The following C7 variants were observed in gnomAD, a reference collection of about 807,000 sequenced individuals.
C7 encodes the protein complement C7.
A neutral mutation model predicts 104.8 loss-of-function variants in C7; 83 were observed. That is an observed-to-expected ratio of 0.79 (90% CI 0.66 to 0.95). The LOEUF (loss-of-function observed/expected upper bound fraction) is 0.95. C7 is among the 40% of genes least tolerant of loss of function. C7 has a pLI of 0.00. For missense variants in C7, 1,070 were observed against 1,011.2 expected (o/e 1.06, Z -0.79); for synonymous variants, 415 against 360.6 (o/e 1.15, Z -1.71).
intron 1 of C7, among the ~76,000 whole-genome samples, chr5:40,923,931 A>T (rs116133447): frequency 0.23 from 34,399 of 151,860 alleles, 4,077 homozygotes; most frequent in East Asian, 0.31. Flanking sequence ...TGAGATTTGA[A>T]AGGGACATCT....
intron 1 of C7, among the ~76,000 whole-genome samples, chr5:40,913,193 CA>C (rs1739247103): frequency 6.6e-6 from 1 of 152,074 alleles, no homozygotes; most frequent in South Asian, 2.1e-4. Flanking sequence ...TTTCTTTATC[CA>C]ATCATCTGTT....
At chr5:40,969,102 TATTTATTATAATG>T (rs1022857636) in intron 14 of C7, among the ~76,000 whole-genome samples, 17 of 152,088 alleles carry the variant, frequency 1.1e-4, no homozygotes, top group Admixed American at 3.9e-4. Flanking sequence ...TAATGTGGTA[TATTTATTATAATG>T]AATGAGCCTA....
intron 6 of C7, among the ~76,000 whole-genome samples, chr5:40,940,347 T>C (rs1739909294): frequency 6.6e-6 from 1 of 152,170 alleles, no homozygotes; most frequent in Non-Finnish European, 1.5e-5. Context: ...GGAAGGCATT[T>C]ATGGCTTGGG....
chr5:40,944,571 G>C (rs1402798303), intron 6 of C7, among the ~76,000 whole-genome samples: 1 of 152,144 alleles, frequency 6.6e-6, no homozygotes, highest in African/African-American at 2.4e-5. Context: ...CAAAATAAAG[G>C]ATAAATGAAT....
At chr5:40,960,893 T>A (rs1740406255) in intron 12 of C7, among the ~76,000 whole-genome samples, 1 of 152,192 alleles carries the variant, frequency 6.6e-6, no homozygotes, top group Non-Finnish European at 1.5e-5. Context: ...ATTATCATTA[T>A]CTTTATTACA....
intron 2 of C7, among the ~76,000 whole-genome samples, chr5:40,929,500 C>T (rs1739630881): frequency 6.6e-6 from 1 of 152,174 alleles, no homozygotes; most frequent in South Asian, 2.1e-4. Flanking sequence ...CCAAGGCACA[C>T]ACTATAGAAT....
At chr5:40,974,887 G>T (rs537597741) in intron 15 of C7, among the ~76,000 whole-genome samples, 27 of 152,210 alleles carry the variant, frequency 1.8e-4, no homozygotes, top group African/African-American at 6.3e-4. Context: ...GGAATTTTAG[G>T]TCTAATAATT....
rs1341787358 is a variant in C7, at chr5:40,943,085, G to T, written c.568-2113G>T. On this transcript the variant is annotated intron_variant, in intron 6 of 17. Coordinates refer to ENST00000313164, the MANE Select transcript of C7 (RefSeq NM_000587.4). ...GCCTGGCCTAGCAAGCCCTGGCTGG[G>T]TTTTTGCCAGGAAAACATGATAGCA... 5.9e-5 allele frequency among the ~76,000 whole-genome samples: 9 copies of T among 152,290 alleles called. No individual in the cohort carries two copies. The East Asian group carries it at 1.7e-3, about 29-fold the overall frequency.
chr5:40,923,965 C>T (rs1275757386), intron 1 of C7, among the ~76,000 whole-genome samples: 5 of 152,028 alleles, frequency 3.3e-5, no homozygotes, highest in Admixed American at 3.3e-4. Flanking sequence ...CCACCCCTGG[C>T]CCCCTGAATC....
chr5:40,963,539 A>G (rs903446687), intron 13 of C7, among the ~76,000 whole-genome samples: 3 of 152,166 alleles, frequency 2.0e-5, no homozygotes, highest in African/African-American at 4.8e-5. Context: ...AGAGTGGGCC[A>G]GGAAGCACAT....
Position 40,952,478 on chromosome 5 carries a change from T to TTTTATTTATTTA in C7, c.1093+2480_1093+2491dup, listed in dbSNP as rs147016821. On this transcript the variant is annotated intron_variant, in intron 9 of 17. Transcript: ENST00000313164. Reference sequence around the variant, plus strand: ...TCATGATGGTAGAATCTGTAATTCTTTTTATTTATTTATTTATTTATTTAT... The same window carrying TTTTATTTATTTA: ...TCATGATGGTAGAATCTGTAATTCTTTTTATTTATTTATTTATTTATTTATTTATTTATTTAT... 6.7e-3 allele frequency among the ~76,000 whole-genome samples: 1,005 copies of TTTTATTTATTTA among 149,314 alleles called. 13 individuals are homozygous for TTTTATTTATTTA. The highest frequency in any genetic ancestry group is 0.02 in the African/African-American group (802 of 40,850).
In C7 at chr5:40,931,058, T is replaced by C. The variant is rs1388261354; in HGVS notation, c.63-6T>C. The C allele has an allele frequency of 1.2e-6, 2 of 1,605,262 alleles. No individual in the cohort carries two copies. Among genetic ancestry groups the C allele is most frequent in the Admixed American group, 3.3e-5 (2 of 59,948 alleles). Reference sequence around the variant, plus strand: ...CTTTATGATGGACAATTTGACACTGTGGCAGTGCCTCCTCTCCAGTCAACT... The same window carrying C: ...CTTTATGATGGACAATTTGACACTGCGGCAGTGCCTCCTCTCCAGTCAACT... On this transcript the variant is annotated splice_polypyrimidine_tract_variant and splice_region_variant and intron_variant, in intron 2 of 17. Transcript: ENST00000313164.
At chr5:40,963,879 C>A (rs1740483918) in intron 13 of C7, among the ~76,000 whole-genome samples, 1 of 152,002 alleles carries the variant, frequency 6.6e-6, no homozygotes, top group South Asian at 2.1e-4. Flanking sequence ...GGGAGAAGAT[C>A]AACATTATGC....
intron 4 of C7, among the ~76,000 whole-genome samples, chr5:40,935,526 G>A (rs770167672): frequency 1.3e-5 from 2 of 152,178 alleles, no homozygotes; most frequent in African/African-American, 4.8e-5. Flanking sequence ...AGGAGATAAT[G>A]TTTAATTTGA....
At chr5:40,940,040 C>G (rs1209334879) in intron 6 of C7, among the ~76,000 whole-genome samples, 1 of 152,184 alleles carries the variant, frequency 6.6e-6, no homozygotes, top group East Asian at 1.9e-4. Context: ...GTCAGCCATG[C>G]AAATGCTAAA....
intron 1 of C7, among the ~76,000 whole-genome samples, chr5:40,924,431 G>A (rs1739508559): frequency 6.6e-6 from 1 of 152,194 alleles, no homozygotes; most frequent in African/African-American, 2.4e-5. Context: ...AGTGCCTAAA[G>A]CTTTTCCAAG....
At chr5:40,972,177 G>A in intron 14 of C7, 1 of 572,310 alleles carries the variant, frequency 1.7e-6, no homozygotes, top group East Asian at 3.1e-5. Flanking sequence ...TGAGGGGAGG[G>A]GTGGGAGAGG....
At chr5:40,933,627 T>C (rs1475454972) in intron 3 of C7, among the ~76,000 whole-genome samples, 1 of 152,226 alleles carries the variant, frequency 6.6e-6, no homozygotes, top group East Asian at 1.9e-4. Context: ...TTACTTAGGC[T>C]TCTGTTTTGT....
At chr5:40,912,214 CT>C (rs1212398033) in intron 1 of C7, among the ~76,000 whole-genome samples, 1 of 152,024 alleles carries the variant, frequency 6.6e-6, no homozygotes, top group African/African-American at 2.4e-5. Flanking sequence ...TCAAGAAATG[CT>C]TTTGGTTAGT....
Sources: allele counts gnomAD v4.1 joint callset (sites outside exome capture counted in the v4.1 genomes callset), GRCh38; gene constraint gnomAD v4.1.1; transcripts MANE v1.5; gene names NCBI Gene and HGNC (gene_info 2026-07-23, HGNC 2026-07-21).